DTL: variants seen among roughly 807,000 people sequenced by gnomAD.
The protein encoded by DTL is denticleless E3 ubiquitin protein ligase adapter, also known as denticleless protein homolog.
A neutral mutation model predicts 87.0 loss-of-function variants in DTL; 46 were observed. The ratio of observed to expected loss-of-function variants is 0.53; its 90% CI spans 0.42 to 0.68. The LOEUF (loss-of-function observed/expected upper bound fraction) is 0.68. DTL is among the 30% of genes least tolerant of loss of function. The pLI is 0.00. For missense variants in DTL, 737 were observed against 869.4 expected, an observed-to-expected ratio of 0.85 and a Z score of 1.91; for synonymous variants, 308 against 311.2, an observed-to-expected ratio of 0.99 and a Z score of 0.11.
At chr1:212,051,442 C>CTT (rs958429363) in intron 5 of DTL, 7 of 197,220 alleles carry the variant, frequency 3.5e-5, no homozygotes, top group African/African-American at 1.3e-4. Flanking sequence ...ATATGAAATT[C>CTT]TTTTTTTTTT....
chr1:212,067,499 C>T (rs78975505), intron 8 of DTL, among the ~76,000 whole-genome samples: 5,560 of 152,200 alleles, frequency 0.037, 146 homozygotes, highest in Non-Finnish European at 0.059. Flanking sequence ...CCTATTATAT[C>T]TCTCAAGGCA....
chr1:212,047,576 AGGCTGGAGTGCAGT>A (rs1667843701), intron 5 of DTL, among the ~76,000 whole-genome samples, 159 bp downstream of exon 5: 1 of 152,252 alleles, frequency 6.6e-6, no homozygotes, highest in African/African-American at 2.4e-5. Context: ...TCTGTTGCCC[AGGCTGGAGTGCAGT>A]GGCGCCATCT....
In DTL at chr1:212,103,080, T is replaced by C. The variant is rs751681155; in HGVS notation, c.*140T>C. 1.3e-5 allele frequency: 7 copies of C among 521,016 alleles called. No individual in the cohort carries two copies. The highest frequency in any genetic ancestry group is 7.5e-5 in the Admixed American group (2 of 26,680). 32.3% of individuals were successfully genotyped at this position (521,016 alleles called of 1,614,324 possible). A position where few individuals can be genotyped will look rare whatever the true frequency, so the allele number is the denominator to read the frequency against. ...GCTGCCTTTTCATTTTTAGACAAAA[T>C]CTTTTCAACGCTGAAATGTACCTAA... On this transcript the variant is annotated 3_prime_UTR_variant, in exon 15 of 15. Coordinates refer to ENST00000366991, the MANE Select transcript of DTL (RefSeq NM_016448.4).
rs1667437767 is a variant in DTL, at chr1:212,035,960, C to A, written c.52+18C>A. The A allele has an allele frequency of 6.2e-7, 1 of 1,613,464 alleles. No homozygotes were observed. Among genetic ancestry groups the A allele is most frequent in the African/African-American group, 1.3e-5 (1 of 74,908 alleles). On this transcript the variant is annotated intron_variant, in intron 1 of 14. Transcript: ENST00000366991. ...GAGAAATGGTGAGTAACGGTCCCAACCGCTGCTCGGAGCTGGCGGAATTCA... is the reference window on the plus strand; with the variant it reads ...GAGAAATGGTGAGTAACGGTCCCAAACGCTGCTCGGAGCTGGCGGAATTCA...
intron 5 of DTL, among the ~76,000 whole-genome samples, chr1:212,059,750 C>A (rs12067898): frequency 1.8e-5 from 2 of 111,464 alleles, no homozygotes; most frequent in Non-Finnish European, 1.7e-5. Flanking sequence ...ATGTTATGAT[C>A]TTATATCTAG....
intron 5 of DTL, among the ~76,000 whole-genome samples, chr1:212,060,102 G>A (rs1190670709): frequency 6.6e-6 from 1 of 152,044 alleles, no homozygotes; most frequent in East Asian, 1.9e-4. Flanking sequence ...ACTACCCCAA[G>A]CAATCTACAG....
intron 13 of DTL, among the ~76,000 whole-genome samples, chr1:212,083,497 A>C (rs955422273): frequency 2.6e-5 from 4 of 152,186 alleles, no homozygotes; most frequent in Non-Finnish European, 5.9e-5. Flanking sequence ...GAAATACTAA[A>C]GGGAGATGGG....
At position 212,064,298 on chromosome 1, in the gene DTL, G is replaced by C. The variant is rs140954881; in HGVS notation, c.527-619G>C. On this transcript the variant is annotated intron_variant, in intron 6 of 14. Coordinates refer to ENST00000366991, the MANE Select transcript of DTL (RefSeq NM_016448.4). ...ATAGCCCCTGCCCTGCCCACACACA[G>C]ACTTCCCCACTGACAACATCCTGTG... Among the ~76,000 whole-genome samples, 18 of 152,278 alleles carry C rather than the reference G, an allele frequency of 1.2e-4. No individual in the cohort carries two copies. In the East Asian group the frequency reaches 3.5e-3, roughly 29 times the overall value.
intron 13 of DTL, among the ~76,000 whole-genome samples, chr1:212,087,528 C>T (rs1334006235): frequency 2.0e-5 from 3 of 150,588 alleles, no homozygotes; most frequent in Non-Finnish European, 4.4e-5. Context: ...CCAGCCTGAG[C>T]GACAGATCAA....
chr1:212,073,305 C>G (rs11119841), intron 11 of DTL, among the ~76,000 whole-genome samples: 1 of 152,170 alleles, frequency 6.6e-6, no homozygotes, highest in Non-Finnish European at 1.5e-5. Context: ...TAATTATCTT[C>G]TAGATTTCCC....
chr1:212,072,758 A>ACCTTTTT (rs1384171186), intron 11 of DTL, among the ~76,000 whole-genome samples: 1 of 118,492 alleles, frequency 8.4e-6, no homozygotes. Context: ...TTATTTACTA[A>ACCTTTTT]TCTTTTTTTT....
intron 11 of DTL, among the ~76,000 whole-genome samples, chr1:212,073,567 C>T (rs1449753173): frequency 6.6e-6 from 1 of 152,076 alleles, no homozygotes; most frequent in East Asian, 1.9e-4. Context: ...TTCTTCCAAT[C>T]CTGAGGGAAG....
chr1:212,044,633 A>T, intron 2 of DTL, 27 bp from the exon 3 acceptor site: 3 of 1,355,248 alleles, frequency 2.2e-6, no homozygotes, highest in Admixed American at 2.0e-5. Context: ...GTTACTCTAT[A>T]TATTTTTTTC....
At chr1:212,040,452 A>C (rs1667602165) in intron 1 of DTL, among the ~76,000 whole-genome samples, 1 of 152,216 alleles carries the variant, frequency 6.6e-6, no homozygotes, top group Admixed American at 6.5e-5. Context: ...GCACAGTAAG[A>C]GATTAACAAT....
Position 212,035,779 on chromosome 1 carries a change from G to C in DTL, c.-112G>C. 2.0e-6 allele frequency: 2 copies of C among 1,003,472 alleles called. No homozygotes were observed. The highest frequency in any genetic ancestry group is 3.0e-6 in the Non-Finnish European group (2 of 662,302). The allele number at this position is 1,003,472 out of a possible 1,614,324, so 62.2% of individuals were successfully genotyped here. On this transcript the variant is annotated 5_prime_UTR_variant, in exon 1 of 15. Coordinates refer to ENST00000366991, the MANE Select transcript of DTL (RefSeq NM_016448.4). Reference sequence around the variant, plus strand: ...TGGCGGCCGGGGCTTACAGTGGCGGGAGTTGGAGGCGATAACGATTTGTGT... The same window carrying C: ...TGGCGGCCGGGGCTTACAGTGGCGGCAGTTGGAGGCGATAACGATTTGTGT...
intron 5 of DTL, among the ~76,000 whole-genome samples, chr1:212,057,026 A>G (rs766391397): frequency 2.0e-5 from 3 of 152,142 alleles, no homozygotes; most frequent in Admixed American, 6.5e-5. Flanking sequence ...AAATATATGA[A>G]TTTTCAGTGT....
At chr1:212,097,667 C>G (rs1655490814) in intron 13 of DTL, among the ~76,000 whole-genome samples, 1 of 151,790 alleles carries the variant, frequency 6.6e-6, no homozygotes, top group African/African-American at 2.4e-5. Context: ...TTTCATCTTT[C>G]TCTGGTGCTT....
At chr1:212,085,656 TTATC>T (rs1558087544) in intron 13 of DTL, among the ~76,000 whole-genome samples, 1 of 150,890 alleles carries the variant, frequency 6.6e-6, no homozygotes, top group Admixed American at 6.7e-5. Context: ...GAAGTTCAGT[TTATC>T]TGTTTTTTCC....
chr1:212,061,506 A>AG (rs1471341443), intron 5 of DTL, among the ~76,000 whole-genome samples: 2 of 151,904 alleles, frequency 1.3e-5, no homozygotes, highest in East Asian at 3.9e-4. Flanking sequence ...CTCAAAAAAA[A>AG]AAAAACAAAT....
Sources: allele counts gnomAD v4.1 joint callset (sites outside exome capture counted in the v4.1 genomes callset), GRCh38; gene constraint gnomAD v4.1.1; transcripts MANE v1.5; gene names NCBI Gene and HGNC (gene_info 2026-07-23, HGNC 2026-07-21).